STPG2: variants seen among roughly 807,000 people sequenced by gnomAD.
STPG2 encodes sperm tail PG-rich repeat containing 2.
In STPG2, 56 loss-of-function variants were observed where a neutral mutation model predicts 54.2. The ratio of observed to expected loss-of-function variants is 1.03; its 90% CI spans 0.83 to 1.29. The LOEUF (loss-of-function observed/expected upper bound fraction) is 1.29. STPG2 is among the 50% of genes most tolerant of loss of function. STPG2 has a pLI of 0.00. For synonymous variants in STPG2, 200 were observed against 181.8 expected, an observed-to-expected ratio of 1.10 and a Z score of -0.81; for missense variants, 596 against 544.9, an observed-to-expected ratio of 1.09 and a Z score of -0.93.
rs189534940 is a variant in STPG2, at chr4:97,515,353, T to C, written c.462+197346A>G. On this transcript the variant is annotated intron_variant, in intron 4 of 4. Coordinates refer to the STPG2 transcript ENST00000522676. ...ATATTCTGGAATTTTTAACAAGATA[T>C]AAAATTTCATTGTCACAGAAAGACA... is the stretch of plus-strand genomic sequence containing the variant. 5.9e-5 allele frequency among the ~76,000 whole-genome samples: 9 copies of C among 152,202 alleles called. No individual in the cohort carries two copies. In the East Asian group the frequency reaches 1.7e-3, roughly 29 times the overall value.
At chr4:97,687,984 A>G (rs558426696) in intron 10 of STPG2, among the ~76,000 whole-genome samples, 1 of 152,284 alleles carries the variant, frequency 6.6e-6, no homozygotes, top group South Asian at 2.1e-4. Flanking sequence ...TCATAAATGT[A>G]TATAACCGAG....
chr4:97,701,085 C>T (rs1452937326), intron 10 of STPG2, among the ~76,000 whole-genome samples: 1 of 152,168 alleles, frequency 6.6e-6, no homozygotes, highest in African/African-American at 2.4e-5. Flanking sequence ...TGCAATCCCT[C>T]CAGGGATGCA....
intron 5 of STPG2, among the ~76,000 whole-genome samples, chr4:98,074,238 C>T (rs732299): frequency 0.39 from 59,553 of 152,038 alleles, 11,896 homozygotes; most frequent in Middle Eastern, 0.46. Flanking sequence ...GGTTTCATCG[C>T]TTTAATAATA....
intron 1 of STPG2, 63 bp downstream of exon 1, chr4:98,142,979 G>T: frequency 7.1e-7 from 1 of 1,412,042 alleles, no homozygotes; most frequent in Non-Finnish European, 9.9e-7. Context: ...CAAGCACGCA[G>T]AAGCGGAGCA....
intron 10 of STPG2, among the ~76,000 whole-genome samples, chr4:97,669,003 GAT>G (rs1722616621): frequency 6.6e-6 from 1 of 151,740 alleles, no homozygotes; most frequent in African/African-American, 2.4e-5. Context: ...AAAGAAGAAA[GAT>G]ATATTACAGA....
At chr4:97,847,331 C>T (rs1042645266) in intron 8 of STPG2, among the ~76,000 whole-genome samples, 7 of 151,892 alleles carry the variant, frequency 4.6e-5, no homozygotes, top group Admixed American at 6.6e-5. Context: ...ACATATGCCT[C>T]GTAAAATACA....
At chr4:97,933,443 C>T (rs775518743) in intron 8 of STPG2, among the ~76,000 whole-genome samples, 5 of 152,128 alleles carry the variant, frequency 3.3e-5, no homozygotes, top group Admixed American at 6.5e-5. Flanking sequence ...TTGCCCAAGC[C>T]TATGTCCAGA....
chr4:98,103,342 T>C (rs1206962484), intron 5 of STPG2, among the ~76,000 whole-genome samples: 1 of 152,102 alleles, frequency 6.6e-6, no homozygotes, highest in Non-Finnish European at 1.5e-5. Flanking sequence ...TGACCATCTT[T>C]CTATAAAAAT....
Position 97,706,933 on chromosome 4 carries a change from G to T in STPG2, c.1320+5766C>A, listed in dbSNP as rs113357302. On this transcript the variant is annotated intron_variant, in intron 10 of 10. Coordinates refer to ENST00000295268, the MANE Select transcript of STPG2 (RefSeq NM_174952.3). ...GGGGTTTAATTGAAGGAAAAATGAG[G>T]CTGAGAGATATTTTTAGATGAGACG... is the stretch of plus-strand genomic sequence containing the variant. 7.7e-3 allele frequency among the ~76,000 whole-genome samples: 1,179 copies of T among 152,154 alleles called. 11 individuals carry two copies. Among genetic ancestry groups the T allele is most frequent in the African/African-American group, 0.026 (1,087 of 41,500 alleles).
intron 8 of STPG2, among the ~76,000 whole-genome samples, chr4:97,887,289 C>A (rs1730612947): frequency 6.6e-6 from 1 of 152,078 alleles, no homozygotes; most frequent in South Asian, 2.1e-4. Flanking sequence ...TTAGAAATTA[C>A]TAGAGACTGG....
intron 7 of STPG2, among the ~76,000 whole-genome samples, chr4:97,967,707 A>G (rs1454480047): frequency 1.3e-5 from 2 of 152,196 alleles, no homozygotes; most frequent in Admixed American, 1.3e-4. Context: ...TAAGAAACTC[A>G]CTCAAAACCG....
At chr4:97,934,990 C>T (rs745613980) in intron 8 of STPG2, among the ~76,000 whole-genome samples, 7 of 152,058 alleles carry the variant, frequency 4.6e-5, no homozygotes, top group Non-Finnish European at 7.4e-5. Context: ...TGATACTGGG[C>T]GTTTTTTGGT....
chr4:97,449,872 T>C (rs1251112156), intron 4 of STPG2, among the ~76,000 whole-genome samples: 1 of 152,206 alleles, frequency 6.6e-6, no homozygotes, highest in African/African-American at 2.4e-5. Flanking sequence ...CCTATTGTTT[T>C]GATTTTGCAT....
At chr4:98,122,011 C>T (rs940880796) in intron 3 of STPG2, among the ~76,000 whole-genome samples, 6 of 152,108 alleles carry the variant, frequency 3.9e-5, no homozygotes, top group Admixed American at 1.3e-4. Flanking sequence ...TGAGCCACCA[C>T]ACTCGACCAA....
intron 5 of STPG2, among the ~76,000 whole-genome samples, chr4:98,104,582 C>A (rs1527515): frequency 0.27 from 41,799 of 152,006 alleles, 6,004 homozygotes; most frequent in Middle Eastern, 0.35. Flanking sequence ...AATAACAATA[C>A]TTTCACATTT....
chr4:97,596,639 T>C lies in STPG2; in HGVS notation c.1321-37522A>G, dbSNP rs562229481. Among the ~76,000 whole-genome samples, 4 of 151,858 alleles carry C rather than the reference T, an allele frequency of 2.6e-5. No homozygotes were observed. In the South Asian group the frequency reaches 8.3e-4, roughly 32 times the overall value. ...TCAAAACTATACAATTGCAGGAAAA[T>C]GAAACAACCTGCTCCAGAATGACTT... On this transcript the variant is annotated intron_variant, in intron 10 of 10. Coordinates refer to ENST00000295268, the MANE Select transcript of STPG2 (RefSeq NM_174952.3).
intron 10 of STPG2, among the ~76,000 whole-genome samples, chr4:97,655,771 A>G (rs955819032): frequency 7.2e-5 from 11 of 152,110 alleles, no homozygotes; most frequent in African/African-American, 2.7e-4. Flanking sequence ...TAAATTTGGG[A>G]ATTATACAAT....
intron 10 of STPG2, among the ~76,000 whole-genome samples, chr4:97,631,581 T>C (rs1721280975): frequency 6.6e-6 from 1 of 152,104 alleles, no homozygotes; most frequent in Non-Finnish European, 1.5e-5. Context: ...AATTTGTATT[T>C]GATGAGTGAT....
intron 5 of STPG2, among the ~76,000 whole-genome samples, chr4:98,008,895 T>A (rs1735654224): frequency 6.6e-6 from 1 of 152,122 alleles, no homozygotes; most frequent in Admixed American, 6.6e-5. Flanking sequence ...CAGGAAGCTA[T>A]CAATCTGTTC....
Sources: gnomAD v4.1 joint callset for allele counts (sites outside exome capture counted in the v4.1 genomes callset) on GRCh38, gnomAD v4.1.1 for gene constraint, MANE v1.5 for transcripts, NCBI Gene and HGNC (gene_info 2026-07-23, HGNC 2026-07-21) for gene names.